Variants in NOS1AP observed in about 807,000 individuals in gnomAD.
NOS1AP encodes nitric oxide synthase 1 adaptor protein.
In NOS1AP, 21 loss-of-function variants were observed where a neutral mutation model predicts 56.2. The ratio of observed to expected loss-of-function variants is 0.37; its 90% confidence interval spans 0.26 to 0.54. The LOEUF (loss-of-function observed/expected upper bound fraction) is 0.54. Among genes scored for constraint, NOS1AP ranks in the 20% least tolerant of loss-of-function variants. NOS1AP has a pLI of 0.84. For synonymous variants in NOS1AP, 270 were observed against 274.6 expected, an observed-to-expected ratio of 0.98 and a Z score of 0.17; for missense variants, 522 against 657.8, an observed-to-expected ratio of 0.79 and a Z score of 2.26.
At chr1:162,090,436 A>G (rs896259833) in intron 1 of NOS1AP, among the ~76,000 whole-genome samples, 38 of 151,472 alleles carry the variant, frequency 2.5e-4, no homozygotes, top group Non-Finnish European at 5.2e-4. Flanking sequence ...CAGTATTCTC[A>G]GGTAAACAAT....
chr1:162,236,612 C>G (rs915991333), intron 2 of NOS1AP, among the ~76,000 whole-genome samples: 1 of 151,750 alleles, frequency 6.6e-6, no homozygotes, highest in Non-Finnish European at 1.5e-5. Context: ...CCTCTCTCCT[C>G]TTTCCATTTT....
intron 1 of NOS1AP, among the ~76,000 whole-genome samples, chr1:162,137,453 T>C (rs1212796446): frequency 6.6e-6 from 1 of 152,148 alleles, no homozygotes; most frequent in Non-Finnish European, 1.5e-5. Context: ...TCACCATGGT[T>C]TCTAGGATTG....
intron 2 of NOS1AP, among the ~76,000 whole-genome samples, chr1:162,255,215 G>T (rs1363628677): frequency 6.6e-6 from 1 of 152,118 alleles, no homozygotes; most frequent in Non-Finnish European, 1.5e-5. Context: ...TTATTTTGAG[G>T]TGGCTCCTAG....
Position 162,370,120 on chromosome 1 carries a change from C to T in NOS1AP, c.*2653C>T, listed in dbSNP as rs940871834. On this transcript the variant is annotated 3_prime_UTR_variant, in exon 10 of 10. Coordinates refer to ENST00000361897, the MANE Select transcript of NOS1AP (RefSeq NM_014697.3). ...AGCAGACTCTCGTGCACAGGAGGCTCCCACAGTTATGGAGCCAGGAAAGAA... is the reference window on the plus strand; with the variant it reads ...AGCAGACTCTCGTGCACAGGAGGCTTCCACAGTTATGGAGCCAGGAAAGAA... 2 of 152,192 alleles carry T rather than the reference C, an allele frequency of 1.3e-5. No homozygotes were observed. Among genetic ancestry groups the T allele is most frequent in the African/African-American group, 4.8e-5 (2 of 41,444 alleles). The allele number at this position is 152,192 out of a possible 1,614,324, so 9.4% of individuals were successfully genotyped here.
intron 3 of NOS1AP, among the ~76,000 whole-genome samples, chr1:162,294,619 C>T (rs562181255): frequency 6.6e-6 from 1 of 152,078 alleles, no homozygotes; most frequent in Admixed American, 6.5e-5. Flanking sequence ...TTAAAAATAC[C>T]CTAGAGTAAG....
intron 2 of NOS1AP, among the ~76,000 whole-genome samples, chr1:162,232,533 AGTGTGT>A (rs60922543): frequency 7.3e-5 from 11 of 150,252 alleles, no homozygotes; most frequent in Non-Finnish European, 1.2e-4. Context: ...TTGTGCTTAG[AGTGTGT>A]GTGTGTGTGT....
At chr1:162,100,582 C>T (rs1173392429) in intron 1 of NOS1AP, among the ~76,000 whole-genome samples, 9 of 152,032 alleles carry the variant, frequency 5.9e-5, no homozygotes, top group South Asian at 4.2e-4. Context: ...ATTCTGTAGG[C>T]TGCCTGTTCA....
At chr1:162,077,124 G>T (rs1691785889) in intron 1 of NOS1AP, among the ~76,000 whole-genome samples, 1 of 151,676 alleles carries the variant, frequency 6.6e-6, no homozygotes, top group Non-Finnish European at 1.5e-5. Flanking sequence ...AAAATGGCTG[G>T]GTCCCATGGT....
intron 1 of NOS1AP, among the ~76,000 whole-genome samples, chr1:162,082,577 T>A (rs1691918661): frequency 1.3e-5 from 2 of 152,248 alleles, no homozygotes; most frequent in South Asian, 2.1e-4. Flanking sequence ...GGTTCCTTTT[T>A]CTTTACAACC....
chr1:162,161,761 G>A (rs928508722), intron 2 of NOS1AP, among the ~76,000 whole-genome samples: 5 of 152,096 alleles, frequency 3.3e-5, no homozygotes, highest in Admixed American at 2.6e-4. Context: ...TAAATTATTT[G>A]TAGAGATGGG....
chr1:162,364,774 G>A, intron 8 of NOS1AP: 1 of 987,110 alleles, frequency 1.0e-6, no homozygotes. Flanking sequence ...AAGGAAGACA[G>A]GGAAAGAAGC....
chr1:162,286,286 G>C (rs997095243), intron 2 of NOS1AP, among the ~76,000 whole-genome samples: 1 of 152,204 alleles, frequency 6.6e-6, no homozygotes, highest in African/African-American at 2.4e-5. Context: ...TTCCAGGCTT[G>C]AGTGGCAACA....
chr1:162,076,113 C>A (rs983400726), intron 1 of NOS1AP, among the ~76,000 whole-genome samples: 1 of 152,182 alleles, frequency 6.6e-6, no homozygotes, highest in Non-Finnish European at 1.5e-5. Flanking sequence ...TCCCAAGACT[C>A]AAACTTTCAG....
At chr1:162,306,997 G>A (rs755195889) in intron 4 of NOS1AP, among the ~76,000 whole-genome samples, 1 of 151,858 alleles carries the variant, frequency 6.6e-6, no homozygotes, top group Non-Finnish European at 1.5e-5. Context: ...CCAAGTCACC[G>A]ATAAGGCTGT....
intron 1 of NOS1AP, among the ~76,000 whole-genome samples, chr1:162,097,394 A>G (rs1392209423): frequency 6.6e-6 from 1 of 152,134 alleles, no homozygotes; most frequent in Admixed American, 6.5e-5. Context: ...GAACTTTAAG[A>G]TTTAAATGTA....
At chr1:162,279,689 T>C (rs1654856645) in intron 2 of NOS1AP, among the ~76,000 whole-genome samples, 1 of 152,248 alleles carries the variant, frequency 6.6e-6, no homozygotes. Flanking sequence ...TTCTTATTTC[T>C]CTTCTTGCTT....
intron 2 of NOS1AP, among the ~76,000 whole-genome samples, chr1:162,281,098 G>T (rs930512132): frequency 8.5e-5 from 13 of 152,168 alleles, no homozygotes; most frequent in Admixed American, 6.5e-4. Flanking sequence ...AAATGATTAC[G>T]AGTGGCTTTG....
chr1:162,156,410 C>T (rs965398643), intron 2 of NOS1AP, among the ~76,000 whole-genome samples: 8 of 152,120 alleles, frequency 5.3e-5, no homozygotes, highest in African/African-American at 1.7e-4. Flanking sequence ...ATGCAACTTT[C>T]GAGTGTTTCC....
At chr1:162,361,430 T>C (rs1657902961) in intron 8 of NOS1AP, among the ~76,000 whole-genome samples, 1 of 152,184 alleles carries the variant, frequency 6.6e-6, no homozygotes, top group South Asian at 2.1e-4. Flanking sequence ...CGAGCCTACA[T>C]AGTTATAAAA....
Sources: gnomAD v4.1 joint callset for allele counts (sites outside exome capture counted in the v4.1 genomes callset) on GRCh38, gnomAD v4.1.1 for gene constraint, MANE v1.5 for transcripts, NCBI Gene and HGNC (gene_info 2026-07-23, HGNC 2026-07-21) for gene names.